The following TDRKH variants were observed in gnomAD, a reference collection of about 807,000 sequenced individuals.
The protein encoded by TDRKH is tudor and KH domain containing, also known as tudor and KH domain-containing protein.
Under a neutral mutation model 61.3 loss-of-function variants are expected in TDRKH, and 28 were observed. The observed-to-expected ratio is 0.46, with a 90% CI of 0.34 to 0.63. The LOEUF (loss-of-function observed/expected upper bound fraction) is 0.63. Among genes scored for constraint, TDRKH ranks in the 20% least tolerant of loss-of-function variants. The probability of loss-of-function intolerance (pLI) is 0.01; values close to 1 mark genes in which losing one functional copy is unlikely to be tolerated. For missense variants in TDRKH, 540 were observed against 683.4 expected (o/e 0.79, Z 2.34); for synonymous variants, 219 against 244.4 (o/e 0.90, Z 0.97).
intron 1 of TDRKH, among the ~76,000 whole-genome samples, chr1:151,784,160 T>C (rs1042880272): frequency 2.0e-5 from 3 of 152,202 alleles, no homozygotes; most frequent in African/African-American, 7.2e-5. Context: ...CACCTGTGCC[T>C]AAATGCTTGC....
chr1:151,767,027 T>C, downstream of TDRKH: 1 of 1,410,682 alleles, frequency 7.1e-7, no homozygotes, highest in Admixed American at 2.1e-5. Flanking sequence ...TTAGAATTTT[T>C]CCATCTGGTT....
chr1:151,767,170 T>A (rs375999927), downstream of TDRKH: 2 of 1,613,722 alleles, frequency 1.2e-6, no homozygotes, highest in African/African-American at 2.7e-5. Flanking sequence ...CAGCATCACT[T>A]ATAAGGAAGA....
At position 151,773,933 on chromosome 1, in the gene TDRKH, AGGATACAGCCTAGT is replaced by A; in HGVS notation, c.*505_*518del. ...GCCTGACTGTTTCCCAGCCTCAAAA[AGGATACAGCCTAGT>A]AGTAATGTGAATCATGACTGGTAGA... On this transcript the variant is annotated 3_prime_UTR_variant, in exon 13 of 13. Transcript: ENST00000368824. The A allele has an allele frequency of 2.0e-5, 3 of 152,546 alleles. No homozygotes were observed. Among genetic ancestry groups the A allele is most frequent in the Non-Finnish European group, 4.4e-5 (3 of 68,228 alleles). 9.4% of individuals were successfully genotyped at this position (152,546 alleles called of 1,614,324 possible).
chr1:151,787,602 G>T (rs570236621), intron 1 of TDRKH, among the ~76,000 whole-genome samples: 2 of 152,020 alleles, frequency 1.3e-5, no homozygotes, highest in Admixed American at 1.3e-4. Flanking sequence ...GCTCTTTCTT[G>T]TGTGCTGAGC....
chr1:151,773,143 A>T (rs967366693), downstream of TDRKH, among the ~76,000 whole-genome samples: 1 of 152,168 alleles, frequency 6.6e-6, no homozygotes, highest in Non-Finnish European at 1.5e-5. Context: ...CCCAGGTTCA[A>T]GCAATTCTCC....
In TDRKH at chr1:151,781,436, C is replaced by T. The variant is rs372987062; in HGVS notation, c.231+45G>A. ...TGGAAGGAAACAAGAAATCAATAAA[C>T]AGAATCAATCCTTGGGAAAGCAGAC... is the stretch of plus-strand genomic sequence containing the variant. On this transcript the variant is annotated intron_variant, in intron 3 of 12. Transcript: ENST00000368824. 1.6e-5 allele frequency: 24 copies of T among 1,548,040 alleles called. No individual in the cohort carries two copies. The African/African-American group carries it at 3.3e-4, about 21-fold the overall frequency.
At chr1:151,773,310 C>T (rs748032712), downstream of TDRKH, among the ~76,000 whole-genome samples, 2 of 152,136 alleles carry the variant, frequency 1.3e-5, no homozygotes, top group African/African-American at 4.8e-5. Context: ...TGTGAGCTAC[C>T]GTGCCCAGCC....
downstream of TDRKH, chr1:151,771,547 G>A (rs1379329860): frequency 2.8e-6 from 1 of 352,242 alleles, no homozygotes; most frequent in Non-Finnish European, 4.9e-6. Context: ...GAACTTCCTA[G>A]TTCAGAAAGA....
rs1262890700 is a variant in TDRKH at position 151,781,574 on chromosome 1, T to C, written c.138A>G (p.Thr46=). ...TCTCAATGTCATCTTCCCCAACAAA[T>C]GTCAGCCGCTCTTCTGCACAGATCA... is the stretch of plus-strand genomic sequence containing the variant. The part of the protein sequence containing the change: ...RYRESREERL[T]FVGEDDIEIE... Residue 46 remains threonine (T), a synonymous_variant, in exon 3 of 13, where the codon ACA becomes ACG. Transcript: ENST00000368824. 6.2e-7 allele frequency: 1 copy of C among 1,613,360 alleles called. No homozygotes were observed. The highest frequency in any genetic ancestry group is 8.5e-7 in the Non-Finnish European group (1 of 1,179,702).
intron 1 of TDRKH, among the ~76,000 whole-genome samples, chr1:151,789,274 C>T (rs1417081900): frequency 6.6e-6 from 1 of 152,140 alleles, no homozygotes; most frequent in Non-Finnish European, 1.5e-5. Context: ...CAGCTGATGT[C>T]TCAAAAAATG....
rs1426076807 is a variant in TDRKH at position 151,781,575 on chromosome 1, G to A, written c.137C>T (p.Thr46Ile). 1.2e-6 allele frequency: 2 copies of A among 1,613,230 alleles called. No homozygotes were observed. Among genetic ancestry groups the A allele is most frequent in the African/African-American group, 2.7e-5 (2 of 74,810 alleles). Residue 46 changes from threonine to isoleucine, a missense_variant, in exon 3 of 13, where the codon ACA becomes ATA. Coordinates refer to ENST00000368824, the MANE Select transcript of TDRKH (RefSeq NM_001083965.2). ...CTCAATGTCATCTTCCCCAACAAAT[G>A]TCAGCCGCTCTTCTGCACAGATCAT... is the stretch of plus-strand genomic sequence containing the variant. ...RYRESREERL[T>I]FVGEDDIEIE...
At position 151,778,927 on chromosome 1, in the gene TDRKH, C is replaced by T. The variant is rs191124174; in HGVS notation, c.641G>A (p.Arg214His). ...IAHSAETRVP[R>H]KQPISVRRED... ...TCTTCTCACACTGATTGGCTGTTTG[C>T]GTGGGACCCTGGTTTCTGCAGAATG... The change falls in exon 6 of 13, where the codon CGC (arginine) becomes CAC (histidine). Residue 214 changes from arginine (R) to histidine (H), a missense_variant. By Grantham distance (29) the Arg-to-His change is conservative. Around this residue, in one of 3 missense-constraint regions of TDRKH, gnomAD observed 379 missense variants for 443.8 expected, o/e 0.85. Coordinates refer to ENST00000368824, the MANE Select transcript of TDRKH (RefSeq NM_001083965.2). 8.0e-5 allele frequency: 129 copies of T among 1,614,154 alleles called. No individual in the cohort carries two copies. The African/African-American group carries it at 1.1e-3, about 13-fold the overall frequency.
chr1:151,775,701 GA>G, intron 9 of TDRKH, 118 bp downstream of exon 9: 3 of 1,490,932 alleles, frequency 2.0e-6, no homozygotes, highest in Non-Finnish European at 1.8e-6. Flanking sequence ...TGCTGGTGAG[GA>G]AAAGGCACCT....
chr1:151,778,074 C>T (rs968903536), intron 6 of TDRKH, among the ~76,000 whole-genome samples: 2 of 152,158 alleles, frequency 1.3e-5, no homozygotes, highest in South Asian at 4.1e-4. Context: ...GCTGGTAAAA[C>T]ATGGCGAAAG....
intron 1 of TDRKH, among the ~76,000 whole-genome samples, chr1:151,789,758 A>C (rs1365837396): frequency 6.6e-6 from 1 of 152,072 alleles, no homozygotes; most frequent in Non-Finnish European, 1.5e-5. Context: ...CCTACAAAGA[A>C]CCTACAACAT....
At position 151,776,223 on chromosome 1, in the gene TDRKH, A is replaced by G; in HGVS notation, c.1090T>C (p.Leu364=). The change falls in exon 8 of 13, where the codon TTA becomes CTA. Residue 364 remains leucine, a synonymous_variant. Transcript: ENST00000368824. ...VHVGDIVAAP[L]PTNGSWYRAR... The stretch of plus-strand genomic sequence containing the variant: ...CGATACCAGGAACCATTTGTAGGTA[A>G]AGGTGCTGCTACAATGTCTCCTACA... The G allele has an allele frequency of 6.2e-7, 1 of 1,614,174 alleles. No individual in the cohort carries two copies. The highest frequency in any genetic ancestry group is 8.5e-7 in the Non-Finnish European group (1 of 1,180,020).
intron 5 of TDRKH, 32 bp from the exon 6 acceptor site, chr1:151,779,038 G>A (rs1649491595): frequency 1.2e-6 from 2 of 1,612,064 alleles, no homozygotes; most frequent in African/African-American, 2.7e-5. Context: ...ATGATATTCT[G>A]ACCTGGGATA....
At chr1:151,782,083 G>C in intron 2 of TDRKH, 1 of 430,012 alleles carries the variant, frequency 2.3e-6, no homozygotes, top group East Asian at 7.0e-5. Flanking sequence ...ACTCTTTGCT[G>C]TGTTGATGTT....
chr1:151,770,357 C>A, downstream of TDRKH: 1 of 1,454,860 alleles, frequency 6.9e-7, no homozygotes, highest in South Asian at 1.4e-5. Flanking sequence ...AAAAATGCAC[C>A]CTCAGGCATT....
Sources: allele counts gnomAD v4.1 joint callset (sites outside exome capture counted in the v4.1 genomes callset), GRCh38; gene constraint gnomAD v4.1.1; regional missense constraint gnomAD v4.1.1; transcripts MANE v1.5; gene names NCBI Gene and HGNC (gene_info 2026-07-23, HGNC 2026-07-21).